Variants in STKLD1 observed in about 807,000 individuals in gnomAD.
The protein encoded by STKLD1 is serine/threonine kinase like domain containing 1.
STKLD1 carries 79 observed loss-of-function variants against 80.4 expected under a neutral mutation model. The observed-to-expected ratio is 0.98, with a 90% confidence interval of 0.82 to 1.19. The LOEUF is 1.19. Among genes scored for constraint, STKLD1 ranks in the 50% most tolerant of loss-of-function variants. The probability of loss-of-function intolerance (pLI) is 0.00; values close to 1 mark genes in which losing one functional copy is unlikely to be tolerated. For missense variants in STKLD1, 841 were observed against 856.0 expected (o/e 0.98, Z 0.22); for synonymous variants, 393 against 357.6 (o/e 1.10, Z -1.12).
At chr9:133,391,593 G>T (rs968072090) in intron 7 of STKLD1, among the ~76,000 whole-genome samples, 2 of 152,010 alleles carry the variant, frequency 1.3e-5, no homozygotes, top group African/African-American at 4.8e-5. Context: ...TGAAACATGT[G>T]CTGTGTCCAC....
intron 2 of STKLD1, among the ~76,000 whole-genome samples, chr9:133,381,816 C>T (rs1396201921): frequency 6.6e-6 from 1 of 152,184 alleles, no homozygotes; most frequent in African/African-American, 2.4e-5. Flanking sequence ...CCCCCTAGGA[C>T]AGGAGGAAAG....
chr9:133,392,064 G>C (rs2119223082), intron 7 of STKLD1, among the ~76,000 whole-genome samples: 1 of 150,168 alleles, frequency 6.7e-6, no homozygotes, highest in East Asian at 2.0e-4. Context: ...GTTGCTGGTT[G>C]CACTCTGTCC....
Position 133,403,753 on chromosome 9 carries a change from G to C in STKLD1, c.1528G>C (p.Val510Leu). ...LEKVPDLISQVLATYPADGEM... is the reference protein window; with the variant it reads ...LEKVPDLISQLLATYPADGEM... Reference sequence around the variant, plus strand: ...GAAGGTCCCGGACCTCATCAGCCAGGTGTTGGCCACCTACCCTGCGGATGG... The same window carrying C: ...GAAGGTCCCGGACCTCATCAGCCAGCTGTTGGCCACCTACCCTGCGGATGG... The change falls in exon 15 of 18, where the codon GTG becomes CTG. Residue 510 changes from valine (V) to leucine (L), a missense_variant. Physicochemically the swap from Val to Leu is conservative, Grantham distance 32. Transcript: ENST00000371957. The C allele has an allele frequency of 6.2e-7, 1 of 1,613,834 alleles. No individual in the cohort carries two copies. Among genetic ancestry groups the C allele is most frequent in the Non-Finnish European group, 8.5e-7 (1 of 1,179,972 alleles).
chr9:133,381,182 A>C (rs2130265428), intron 2 of STKLD1, among the ~76,000 whole-genome samples: 1 of 109,380 alleles, frequency 9.1e-6, no homozygotes, highest in African/African-American at 3.7e-5. Flanking sequence ...CTTGTTGCCC[A>C]GGCTGGAGTA....
rs956590919 is a variant in STKLD1, at chr9:133,405,443, T to C, written c.*22T>C. 2.5e-6 allele frequency: 4 copies of C among 1,581,628 alleles called. No individual in the cohort carries two copies. In the African/African-American group the frequency reaches 4.1e-5, roughly 16 times the overall value. ...ATAGATGTTTGTATGGAACTGACCTTGATCTCCACGTGTATAGTTTTCAAG... is the reference window on the plus strand; with the variant it reads ...ATAGATGTTTGTATGGAACTGACCTCGATCTCCACGTGTATAGTTTTCAAG... On this transcript the variant is annotated 3_prime_UTR_variant, in exon 18 of 18. Transcript: ENST00000371957.
At chr9:133,401,932 AG>A (rs1554777766) in intron 13 of STKLD1, 54 bp downstream of exon 13, 2 of 1,599,176 alleles carry the variant, frequency 1.3e-6, no homozygotes, top group African/African-American at 1.3e-5. Flanking sequence ...AGCCCTTCCC[AG>A]GGGTCTTGGA....
rs1174377640 is a variant in STKLD1, at chr9:133,389,387, AGCGCTTG to A, written c.397-136_397-130del. The A allele has an allele frequency of 6.2e-6, 9 of 1,458,088 alleles. No individual in the cohort carries two copies. The East Asian group carries it at 2.3e-4, about 37-fold the overall frequency. The allele number at this position is 1,458,088 out of a possible 1,614,324, so 90.3% of individuals were successfully genotyped here. A position where few individuals can be genotyped will look rare whatever the true frequency, so the allele number is the denominator to read the frequency against. On this transcript the variant is annotated intron_variant, in intron 5 of 17. Coordinates refer to ENST00000371957, the MANE Select transcript of STKLD1 (RefSeq NM_153710.5). This position sits in a 1 kb window ranked among gnomAD's most constrained non-coding sequence, Gnocchi z 6.4. Reference sequence around the variant, plus strand: ...CCACGCTGAAGCCTCCTCCACCCTGAGCGCTTGGCTGGCTTCAGGCCTGTCTCAAGAT... The same window carrying A: ...CCACGCTGAAGCCTCCTCCACCCTGAGCTGGCTTCAGGCCTGTCTCAAGAT...
At chr9:133,391,241 G>A (rs1838387362) in intron 7 of STKLD1, among the ~76,000 whole-genome samples, 1 of 149,648 alleles carries the variant, frequency 6.7e-6, no homozygotes, top group South Asian at 2.1e-4. Flanking sequence ...GGAGGTGGGG[G>A]GGTCAGCCCC....
At chr9:133,379,150 G>C in intron 2 of STKLD1, 28 bp downstream of exon 2, 1 of 1,597,356 alleles carries the variant, frequency 6.3e-7, no homozygotes, top group Non-Finnish European at 8.6e-7. Flanking sequence ...TGCATCCCAT[G>C]CCGGGTGGTT....
Position 133,382,718 on chromosome 9 carries a change from CAGT to C in STKLD1, c.175-1137_175-1135del, listed in dbSNP as rs1236934708. ...GTGATGATAATAGTGGGGATGGTGA[CAGT>C]GGTGTTGATGGTGTGATGGTGGTAA... On this transcript the variant is annotated intron_variant, in intron 2 of 17. Coordinates refer to ENST00000371957, the MANE Select transcript of STKLD1 (RefSeq NM_153710.5). 2.6e-3 allele frequency among the ~76,000 whole-genome samples: 353 copies of C among 137,464 alleles called. 2 individuals carry two copies. Among genetic ancestry groups the C allele is most frequent in the African/African-American group, 8.7e-3 (317 of 36,356 alleles). The allele number at this position is 137,464 out of a possible 152,430, so 90.2% of individuals were successfully genotyped here.
chr9:133,395,617 T>C lies in STKLD1; in HGVS notation c.720T>C (p.His240=). The C allele has an allele frequency of 6.2e-7, 1 of 1,612,988 alleles. No homozygotes were observed. Among genetic ancestry groups the C allele is most frequent in the Non-Finnish European group, 8.5e-7 (1 of 1,179,964 alleles). ...CCGTGCAGGGCACAGAAGCCATGCA[T>C]CTGCGGAAGTCCCTCCGCCAGAGCC... ...CSFMDGTEAM[H]LRKSLRQSPG... Residue 240 remains histidine (H), a synonymous_variant, in exon 9 of 18, where the codon CAT becomes CAC. Transcript: ENST00000371957.
chr9:133,405,147 A>G, intron 17 of STKLD1, 105 bp from the exon 18 acceptor site: 1 of 1,429,750 alleles, frequency 7.0e-7, no homozygotes, highest in Non-Finnish European at 9.4e-7. Flanking sequence ...GGCTCTGTGC[A>G]TGCCAAGCCC....
intron 13 of STKLD1, among the ~76,000 whole-genome samples, chr9:133,402,406 C>T (rs1271687219): frequency 6.6e-6 from 1 of 152,204 alleles, no homozygotes; most frequent in African/African-American, 2.4e-5. Flanking sequence ...GTCTGGGCCC[C>T]AGCACCCTCT....
At chr9:133,380,689 T>C (rs1838108377) in intron 2 of STKLD1, among the ~76,000 whole-genome samples, 1 of 152,056 alleles carries the variant, frequency 6.6e-6, no homozygotes, top group Admixed American at 6.6e-5. Context: ...AAAATAAAAA[T>C]ATCACCCAAT....
At chr9:133,376,816 C>T (rs1004681118) in intron 1 of STKLD1, among the ~76,000 whole-genome samples, 1 of 152,202 alleles carries the variant, frequency 6.6e-6, no homozygotes, top group Non-Finnish European at 1.5e-5. Flanking sequence ...TGGGGCAGCT[C>T]CTCTATCCTT....
rs1838344854 is a variant in STKLD1, at chr9:133,389,848, C to T, written c.467+252C>T. ...TAGCCAGGCGGGCTGCTCTAGAGTT[C>T]GTGGAAAGGAAGGAGGCAAAAGCCC... On this transcript the variant is annotated intron_variant, in intron 6 of 17. Coordinates refer to ENST00000371957, the MANE Select transcript of STKLD1 (RefSeq NM_153710.5). This position sits in a 1 kb window ranked among gnomAD's most constrained non-coding sequence, Gnocchi z 6.4. Among the ~76,000 whole-genome samples the T allele has an allele frequency of 1.3e-5, 2 of 152,148 alleles. No individual in the cohort carries two copies. Among genetic ancestry groups the T allele is most frequent in the South Asian group, 2.1e-4 (1 of 4,828 alleles).
At position 133,383,936 on chromosome 9, in the gene STKLD1, C is replaced by T. The variant is rs2130271620; in HGVS notation, c.219+36C>T. On this transcript the variant is annotated intron_variant, in intron 3 of 17. Transcript: ENST00000371957. ...GGGTAGTTTTCCCTCTGGAAGAGCTCAATGGAGCATACACAGACTGTGTTC... is the reference window on the plus strand; with the variant it reads ...GGGTAGTTTTCCCTCTGGAAGAGCTTAATGGAGCATACACAGACTGTGTTC... 1.9e-6 allele frequency: 3 copies of T among 1,593,426 alleles called. No individual in the cohort carries two copies. The South Asian group carries it at 3.3e-5, about 18-fold the overall frequency.
chr9:133,397,512 C>T (rs1838593104), intron 10 of STKLD1, among the ~76,000 whole-genome samples: 1 of 152,192 alleles, frequency 6.6e-6, no homozygotes, highest in Non-Finnish European at 1.5e-5. Flanking sequence ...CTACCTATAA[C>T]ACAAAGTTCC....
intron 16 of STKLD1, 133 bp downstream of exon 16, chr9:133,404,181 G>A (rs1838781482): frequency 1.9e-5 from 22 of 1,164,972 alleles, no homozygotes; most frequent in Non-Finnish European, 2.4e-5. Flanking sequence ...AATTAAAAAC[G>A]ATCTGAAGTC....
Sources: allele counts gnomAD v4.1 joint callset (sites outside exome capture counted in the v4.1 genomes callset), GRCh38; gene constraint gnomAD v4.1.1; non-coding constraint Gnocchi (gnomAD v3.1); transcripts MANE v1.5; gene names NCBI Gene and HGNC (gene_info 2026-07-23, HGNC 2026-07-21).